The following CCDC178 variants were observed in gnomAD, a reference collection of about 807,000 sequenced individuals.
The protein encoded by CCDC178 is coiled-coil domain-containing protein 178.
A neutral mutation model predicts 117.4 loss-of-function variants in CCDC178; 126 were observed. The observed-to-expected ratio is 1.07, with a 90% CI of 0.93 to 1.24. The LOEUF (loss-of-function observed/expected upper bound fraction) is 1.24, where lower values mean the gene tolerates loss of function less well. CCDC178 is among the 50% of genes most tolerant of loss of function. The pLI is 0.00. For missense variants in CCDC178, 1,030 were observed against 986.9 expected, an observed-to-expected ratio of 1.04 and a Z score of -0.59; for synonymous variants, 283 against 313.4, an observed-to-expected ratio of 0.90 and a Z score of 1.02.
chr18:33,029,353 A>G (rs2056289831), intron 21 of CCDC178, among the ~76,000 whole-genome samples: 1 of 151,906 alleles, frequency 6.6e-6, no homozygotes, highest in South Asian at 2.1e-4. Flanking sequence ...AAAGTTGGTA[A>G]TAATATCACA....
chr18:33,116,987 G>A (rs1451849454), intron 20 of CCDC178, among the ~76,000 whole-genome samples: 1 of 152,020 alleles, frequency 6.6e-6, no homozygotes, highest in South Asian at 2.1e-4. Flanking sequence ...TTGTTTATTT[G>A]GTCTGGATGG....
At chr18:33,181,048 G>A (rs1217588077) in intron 20 of CCDC178, among the ~76,000 whole-genome samples, 1 of 151,868 alleles carries the variant, frequency 6.6e-6, no homozygotes, top group Non-Finnish European at 1.5e-5. Context: ...GAATTTCCTT[G>A]TAAGGTCCTT....
intron 22 of CCDC178, among the ~76,000 whole-genome samples, chr18:32,967,001 T>C (rs2054827622): frequency 6.6e-6 from 1 of 151,804 alleles, no homozygotes; most frequent in Admixed American, 6.6e-5. Flanking sequence ...TTCTGAGTGG[T>C]ATCTCTACCT....
chr18:33,365,759 T>C (rs2063195719), intron 6 of CCDC178, among the ~76,000 whole-genome samples: 1 of 152,114 alleles, frequency 6.6e-6, no homozygotes, highest in Non-Finnish European at 1.5e-5. Flanking sequence ...AAAATTTTAA[T>C]TCTGTAGTGC....
chr18:33,169,090 C>G (rs766500970), intron 20 of CCDC178, among the ~76,000 whole-genome samples: 1 of 152,144 alleles, frequency 6.6e-6, no homozygotes, highest in South Asian at 2.1e-4. Flanking sequence ...TGAATCAAAA[C>G]AGACCATTTG....
chr18:33,239,937 C>A (rs1441417813), intron 15 of CCDC178, among the ~76,000 whole-genome samples: 1 of 151,890 alleles, frequency 6.6e-6, no homozygotes, highest in African/African-American at 2.4e-5. Flanking sequence ...AGAATACATT[C>A]TTTTCATCAG....
intron 20 of CCDC178, among the ~76,000 whole-genome samples, chr18:33,190,155 T>C (rs905063039): frequency 6.6e-6 from 1 of 152,212 alleles, no homozygotes; most frequent in African/African-American, 2.4e-5. Context: ...CTGGATGTAC[T>C]TGGCTTCTTA....
intron 20 of CCDC178, among the ~76,000 whole-genome samples, chr18:33,189,760 T>C (rs2058836719): frequency 6.6e-6 from 1 of 152,212 alleles, no homozygotes; most frequent in African/African-American, 2.4e-5. Flanking sequence ...CATTGAATTA[T>C]GTTATTATCA....
intron 21 of CCDC178, among the ~76,000 whole-genome samples, chr18:32,980,560 G>A (rs2144712861): frequency 1.0e-5 from 1 of 97,046 alleles, no homozygotes; most frequent in Middle Eastern, 8.8e-3. Context: ...GACAGAACGA[G>A]ACTCCGTCTC....
At chr18:33,017,107 A>G (rs993198182) in intron 21 of CCDC178, among the ~76,000 whole-genome samples, 3 of 151,934 alleles carry the variant, frequency 2.0e-5, no homozygotes, top group African/African-American at 7.2e-5. Flanking sequence ...ACATGGAGAA[A>G]TTAGGCTGGA....
intron 11 of CCDC178, among the ~76,000 whole-genome samples, chr18:33,303,620 C>G (rs2062209328): frequency 6.6e-6 from 1 of 151,580 alleles, no homozygotes. Context: ...GCTTTCTAAA[C>G]TTTCCACCCA....
At chr18:32,965,377 T>C (rs1327468730) in intron 22 of CCDC178, among the ~76,000 whole-genome samples, 1 of 151,992 alleles carries the variant, frequency 6.6e-6, no homozygotes, top group Non-Finnish European at 1.5e-5. Flanking sequence ...TTGGTTAAGA[T>C]GTTATTCTGT....
chr18:33,100,114 T>A (rs1290884324), intron 20 of CCDC178, among the ~76,000 whole-genome samples: 1 of 151,890 alleles, frequency 6.6e-6, no homozygotes, highest in East Asian at 2.0e-4. Context: ...AGCTGACGAA[T>A]CATACCTGTC....
chr18:32,955,783 A>G (rs572704281), intron 22 of CCDC178, among the ~76,000 whole-genome samples: 62 of 152,232 alleles, frequency 4.1e-4, no homozygotes, highest in Non-Finnish European at 3.5e-4. Context: ...ATTGGTTTCT[A>G]TTCACATTTT....
At chr18:33,370,217 C>T (rs2063278630) in intron 5 of CCDC178, 28 bp from the exon 6 acceptor site, 2 of 1,532,232 alleles carry the variant, frequency 1.3e-6, no homozygotes, top group East Asian at 2.4e-5. Context: ...AAGTTCATTA[C>T]TCATTCTATA....
rs1032410561 is a variant in CCDC178, at chr18:33,280,197, T to G, written c.1177-12900A>C. ...AAAATGGGAGAAAATTTTCGCAACCTATTCATCTGACAAAGGGCTAATATC... is the reference window on the plus strand; with the variant it reads ...AAAATGGGAGAAAATTTTCGCAACCGATTCATCTGACAAAGGGCTAATATC... On this transcript the variant is annotated intron_variant, in intron 12 of 22. Transcript: ENST00000383096. Among the ~76,000 whole-genome samples, 40 of 152,100 alleles carry G rather than the reference T, an allele frequency of 2.6e-4. 1 individual carries two copies. Among genetic ancestry groups the G allele is most frequent in the Admixed American group, 2.6e-3 (39 of 15,272 alleles).
At chr18:33,235,382 G>T (rs1398082072) in intron 15 of CCDC178, among the ~76,000 whole-genome samples, 1 of 151,878 alleles carries the variant, frequency 6.6e-6, no homozygotes, top group Non-Finnish European at 1.5e-5. Context: ...ACCAAGACTG[G>T]CATGAGATGT....
At chr18:33,364,258 T>A (rs118056318) in intron 6 of CCDC178, among the ~76,000 whole-genome samples, 1 of 152,196 alleles carries the variant, frequency 6.6e-6, no homozygotes, top group Non-Finnish European at 1.5e-5. Flanking sequence ...CATGTGTATA[T>A]GTACGTATGT....
intron 20 of CCDC178, among the ~76,000 whole-genome samples, chr18:33,141,623 T>C (rs2058206253): frequency 6.6e-6 from 1 of 152,168 alleles, no homozygotes; most frequent in South Asian, 2.1e-4. Flanking sequence ...TGTTTTAGCT[T>C]CTAGAATTAT....
Sources: gnomAD v4.1 joint callset for allele counts (sites outside exome capture counted in the v4.1 genomes callset) on GRCh38, gnomAD v4.1.1 for gene constraint, MANE v1.5 for transcripts, NCBI Gene and HGNC (gene_info 2026-07-23, HGNC 2026-07-21) for gene names.